EPS8L3: variants seen among roughly 807,000 people sequenced by gnomAD.
EPS8L3 encodes the protein epidermal growth factor receptor kinase substrate 8-like protein 3.
A neutral mutation model predicts 88.5 loss-of-function variants in EPS8L3; 80 were observed. The ratio of observed to expected loss-of-function variants is 0.90; its 90% CI spans 0.75 to 1.09. EPS8L3 has a LOEUF of 1.09. Among genes scored for constraint, EPS8L3 ranks in the 50% least tolerant of loss-of-function variants. The probability of loss-of-function intolerance (pLI) is 0.00; values close to 1 mark genes in which losing one functional copy is unlikely to be tolerated. For synonymous variants in EPS8L3, 286 were observed against 291.0 expected (o/e 0.98, Z 0.18); for missense variants, 721 against 735.2 (o/e 0.98, Z 0.22).
rs748562964 is a variant in EPS8L3, at chr1:109,751,351, C to T, written c.1564G>A (p.Val522Ile). Reference protein sequence around the residue: ...PGTQGQSPSRVPMLRLSSRPE... With the variant: ...PGTQGQSPSRIPMLRLSSRPE... ...CTCGAGCTAAGTCGAAGCATTGGAACCTAGAATCAGGGGGAACCAGGGATC... is the reference window on the plus strand; with the variant it reads ...CTCGAGCTAAGTCGAAGCATTGGAATCTAGAATCAGGGGGAACCAGGGATC... Residue 522 changes from valine to isoleucine, a missense_variant and splice_region_variant, in exon 17 of 19, where the codon GTT (valine) becomes ATT (isoleucine). Coordinates refer to ENST00000361965, the MANE Select transcript of EPS8L3 (RefSeq NM_133181.4). 6.2e-7 allele frequency: 1 copy of T among 1,613,600 alleles called. No homozygotes were observed.
chr1:109,751,687 C>T lies in EPS8L3; in HGVS notation c.1530G>A (p.Gly510=), dbSNP rs745983213. ...GTGACTGGCCCTGGGTCCCAGGGGT[C>T]CCCGGCTGTAGGGGCTCCAGGATGT... ...PSNILEPLQP[G]TPGTQGQSPS... is the part of the protein sequence containing the mutation. Residue 510 remains glycine, a synonymous_variant, in exon 16 of 19, where the codon GGG becomes GGA. Coordinates refer to ENST00000361965, the MANE Select transcript of EPS8L3 (RefSeq NM_133181.4). The T allele has an allele frequency of 1.2e-6, 2 of 1,613,964 alleles. No homozygotes were observed. Among genetic ancestry groups the T allele is most frequent in the Non-Finnish European group, 1.7e-6 (2 of 1,179,980 alleles).
chr1:109,757,610 A>T (rs374318644), intron 10 of EPS8L3, 55 bp from the exon 11 acceptor site: 3 of 1,532,826 alleles, frequency 2.0e-6, no homozygotes, highest in Non-Finnish European at 2.7e-6. Flanking sequence ...CATCTTCACC[A>T]GGTCACCATA....
intron 13 of EPS8L3, among the ~76,000 whole-genome samples, 166 bp from the exon 14 acceptor site, chr1:109,752,886 C>T (rs551606478): frequency 2.0e-5 from 3 of 152,102 alleles, no homozygotes; most frequent in Non-Finnish European, 4.4e-5. Flanking sequence ...TGCACCCACC[C>T]ACCCACTACT....
chr1:109,758,805 C>T, intron 6 of EPS8L3, 142 bp from the exon 7 acceptor site: 1 of 1,113,862 alleles, frequency 9.0e-7, no homozygotes, highest in Non-Finnish European at 1.2e-6. Context: ...CCTTCTGGAC[C>T]CACCCCTGAC....
chr1:109,750,206 A>G lies in EPS8L3; in HGVS notation c.*185T>C. The G allele has an allele frequency of 1.5e-6, 1 of 684,998 alleles. No homozygotes were observed. Among genetic ancestry groups the G allele is most frequent in the East Asian group, 2.7e-5 (1 of 36,622 alleles). 42.4% of individuals were successfully genotyped at this position (684,998 alleles called of 1,614,324 possible). On this transcript the variant is annotated 3_prime_UTR_variant, in exon 19 of 19. Coordinates refer to ENST00000361965, the MANE Select transcript of EPS8L3 (RefSeq NM_133181.4). ...AGGTGGTTACTGGGGAGGCTCCAAC[A>G]CAGCCAGAAGGGACACTGTTTGCTT... is the stretch of plus-strand genomic sequence containing the variant.
Position 109,751,764 on chromosome 1 carries a change from G to T in EPS8L3, c.1453C>A (p.Arg485=), listed in dbSNP as rs773995331. 1.2e-6 allele frequency: 2 copies of T among 1,613,518 alleles called. No individual in the cohort carries two copies. Among genetic ancestry groups the T allele is most frequent in the Non-Finnish European group, 1.7e-6 (2 of 1,179,966 alleles). Residue 485 remains arginine, a synonymous_variant, in exon 16 of 19, where the codon CGG becomes AGG. Coordinates refer to ENST00000361965, the MANE Select transcript of EPS8L3 (RefSeq NM_133181.4). The stretch of plus-strand genomic sequence containing the variant: ...GCCTCATTCTTCACCAGCCACCACC[G>T]CTTGCTGTGGTCCAGAACCTGCCAA... ...EKLEVLDHSK[R]WWLVKNEAGR... is the part of the protein sequence containing the mutation.
At chr1:109,755,570 C>T (rs1650206577) in intron 12 of EPS8L3, among the ~76,000 whole-genome samples, 6 of 152,090 alleles carry the variant, frequency 3.9e-5, no homozygotes, top group Admixed American at 3.9e-4. Flanking sequence ...TTTGGGAAGC[C>T]GAGGTGGGCG....
chr1:109,757,221 G>T (rs1650371943), intron 11 of EPS8L3, 56 bp from the exon 12 acceptor site: 3 of 1,514,950 alleles, frequency 2.0e-6, no homozygotes, highest in Non-Finnish European at 2.7e-6. Flanking sequence ...GCCCAGTGAG[G>T]GTGGGAAAGG....
intron 18 of EPS8L3, 33 bp from the exon 19 acceptor site, chr1:109,750,435 T>A: frequency 6.2e-7 from 1 of 1,612,864 alleles, no homozygotes; most frequent in Non-Finnish European, 8.5e-7. Context: ...ATGAGGCTGA[T>A]GGCAGGTGAG....
Position 109,752,081 on chromosome 1 carries a change from G to A in EPS8L3, c.1348C>T (p.Gln450Ter). Residue 450 changes from glutamine to a stop codon, truncating the protein, a stop_gained, in exon 15 of 19, where the codon CAG becomes TAG. Transcript: ENST00000361965. LOFTEE classifies it high-confidence loss of function. ...NSRPSSPKPAQPALKMQVLYE... is the reference protein window; with the variant it reads ...NSRPSSPKPA ...AAGACTTGCATTTTCAGGGCTGGCT[G>A]GGCAGGTTTGGGGCTGGAGGGCCTG... 1 of 1,614,130 alleles carries A rather than the reference G, an allele frequency of 6.2e-7. No individual in the cohort carries two copies. Among genetic ancestry groups the A allele is most frequent in the South Asian group, 1.1e-5 (1 of 91,066 alleles).
intron 14 of EPS8L3, chr1:109,752,409 A>G (rs181014592): frequency 1.5e-4 from 89 of 608,240 alleles, no homozygotes; most frequent in Non-Finnish European, 2.3e-4. Context: ...CCGGGAGTGG[A>G]ATTTTCTACA....
rs553969081 is a variant in EPS8L3, at chr1:109,758,600, C to A, written c.525G>T (p.Pro175=). 8 of 1,612,962 alleles carry A rather than the reference C, an allele frequency of 5.0e-6. No homozygotes were observed. In the East Asian group the frequency reaches 1.8e-4, roughly 36 times the overall value. Residue 175 remains proline (P), a synonymous_variant, in exon 7 of 19, where the codon CCG becomes CCT. Transcript: ENST00000361965. ...DRWRGPAMER[P]LPMEQARYLE... ...GATAGCGTGCCTGCTCCATAGGGAG[C>A]GGCCTTTCCATAGCAGGCCCCCTCC...
At chr1:109,751,557 C>G in intron 16 of EPS8L3, 97 bp downstream of exon 16, 1 of 1,574,874 alleles carries the variant, frequency 6.3e-7, no homozygotes, top group Non-Finnish European at 8.7e-7. Flanking sequence ...CGGTCCGAAT[C>G]AAACCAAGAC....
intron 14 of EPS8L3, 106 bp from the exon 15 acceptor site, chr1:109,752,299 G>T: frequency 1.7e-6 from 2 of 1,166,830 alleles, no homozygotes; most frequent in South Asian, 1.5e-5. Flanking sequence ...GTCTGATGGT[G>T]ACTTTTGGGT....
chr1:109,759,072 G>C lies in EPS8L3; in HGVS notation c.451C>G (p.Leu151Val), dbSNP rs201335250. 5 of 1,605,928 alleles carry C rather than the reference G, an allele frequency of 3.1e-6. No individual in the cohort carries two copies. The highest frequency in any genetic ancestry group is 2.2e-5 in the East Asian group (1 of 44,712). The change falls in exon 6 of 19, where the codon CTG becomes GTG. Residue 151 changes from leucine to valine, a missense_variant. By Grantham distance (32) the Leu-to-Val change is conservative. Transcript: ENST00000361965. The surrounding 1 kb of genome is among the most constrained non-coding windows in gnomAD (Gnocchi z 4.2). ...GCAGAGGCTGCCTACCTTTGCTCCAGCTCTTCCTCCAGAGCCTTCTGCAGG... is the reference window on the plus strand; with the variant it reads ...GCAGAGGCTGCCTACCTTTGCTCCACCTCTTCCTCCAGAGCCTTCTGCAGG... The part of the protein sequence containing the change: ...TSLQKALEEE[L>V]EQRPRLGGLQ...
rs1220332790 is a variant in EPS8L3 at position 109,757,261 on chromosome 1, A to G, written c.970-96T>C. 4.3e-6 allele frequency: 6 copies of G among 1,393,662 alleles called. No homozygotes were observed. In the African/African-American group the frequency reaches 5.8e-5, roughly 14 times the overall value. 86.3% of individuals were successfully genotyped at this position (1,393,662 alleles called of 1,614,324 possible). On this transcript the variant is annotated intron_variant, in intron 11 of 18. Coordinates refer to ENST00000361965, the MANE Select transcript of EPS8L3 (RefSeq NM_133181.4). ...GAGTCCCTGGCTTCCCACTTTTGCA[A>G]TGGTAGGATGTTACCTCCTGCAAGG...
rs578103486 is a variant in EPS8L3 at position 109,759,502 on chromosome 1, C to T, written c.256-115G>A. On this transcript the variant is annotated intron_variant, in intron 4 of 18. Transcript: ENST00000361965. This position sits in a 1 kb window ranked among gnomAD's most constrained non-coding sequence, Gnocchi z 4.2. The stretch of plus-strand genomic sequence containing the variant: ...GGCCTAGGGCTGAGGTGTCATCTAC[C>T]TGACTCTTGTGCCTCTGTCCCCAGC... The T allele has an allele frequency of 6.5e-7, 1 of 1,530,662 alleles. No individual in the cohort carries two copies. Among genetic ancestry groups the T allele is most frequent in the East Asian group, 2.3e-5 (1 of 43,966 alleles). 94.8% of individuals were successfully genotyped at this position (1,530,662 alleles called of 1,614,324 possible).
chr1:109,758,910 G>T, intron 6 of EPS8L3, 152 bp downstream of exon 6: 2 of 909,536 alleles, frequency 2.2e-6, no homozygotes, highest in Non-Finnish European at 3.3e-6. Flanking sequence ...CCAGCCCCTT[G>T]CCTATGCCCA....
intron 3 of EPS8L3, chr1:109,761,189 T>G (rs1003621868): frequency 3.2e-6 from 1 of 313,978 alleles, no homozygotes; most frequent in Non-Finnish European, 6.1e-6. Context: ...GGTAGGTGGG[T>G]GGGTGGTTGT....
Sources: allele counts gnomAD v4.1 joint callset (sites outside exome capture counted in the v4.1 genomes callset), GRCh38; gene constraint gnomAD v4.1.1; non-coding constraint Gnocchi (gnomAD v3.1); transcripts MANE v1.5; gene names NCBI Gene and HGNC (gene_info 2026-07-23, HGNC 2026-07-21).